Variants in ILDR2 observed in about 807,000 individuals in gnomAD.
ILDR2 encodes immunoglobulin like domain containing receptor 2.
ILDR2 carries 25 observed loss-of-function variants against 66.8 expected under a neutral mutation model. That is an observed-to-expected ratio of 0.37 (90% CI 0.27 to 0.52). The LOEUF (loss-of-function observed/expected upper bound fraction) is 0.52, where lower values mean the gene tolerates loss of function less well. Among genes scored for constraint, ILDR2 ranks in the 20% least tolerant of loss-of-function variants. ILDR2 has a pLI of 0.88. For missense variants in ILDR2, 827 were observed against 876.8 expected, an observed-to-expected ratio of 0.94 and a Z score of 0.72; for synonymous variants, 367 against 357.2, an observed-to-expected ratio of 1.03 and a Z score of -0.31.
At chr1:166,933,669 A>T in intron 6 of ILDR2, 1 of 362,010 alleles carries the variant, frequency 2.8e-6, no homozygotes, top group Non-Finnish European at 3.8e-6. Flanking sequence ...CCATTAAAAA[A>T]TAAGGGGGAA....
At chr1:166,953,378 C>T (rs1662100664) in intron 3 of ILDR2, among the ~76,000 whole-genome samples, 1 of 152,178 alleles carries the variant, frequency 6.6e-6, no homozygotes, top group African/African-American at 2.4e-5. Context: ...ACTTTTCCAT[C>T]CTTACCTTTC....
In ILDR2 at chr1:166,936,945, G is replaced by A. The variant is rs1661020134; in HGVS notation, c.557-208C>T. On this transcript the variant is annotated intron_variant, in intron 4 of 9. Transcript: ENST00000271417. The surrounding 1 kb of genome is among the most constrained non-coding windows in gnomAD (Gnocchi z 5.0). ...TCAGTCCCGGGGAATGGAGAAGAGG[G>A]AAGAAGGTTATCTATGTTACATTGG... Among the ~76,000 whole-genome samples the A allele has an allele frequency of 3.3e-5, 5 of 152,234 alleles. No homozygotes were observed. In the South Asian group the frequency reaches 1.0e-3, roughly 32 times the overall value.
rs1661016053 is a variant in ILDR2 at position 166,936,902 on chromosome 1, A to G, written c.557-165T>C. Among the ~76,000 whole-genome samples the G allele has an allele frequency of 6.6e-6, 1 of 152,180 alleles. No homozygotes were observed. Among genetic ancestry groups the G allele is most frequent in the Admixed American group, 6.5e-5 (1 of 15,288 alleles). ...CCCAACACTCAAGAGGAACTCTGAGAGTCAGGAGTGCAGACCCTCAGTCCC... is the reference window on the plus strand; with the variant it reads ...CCCAACACTCAAGAGGAACTCTGAGGGTCAGGAGTGCAGACCCTCAGTCCC... On this transcript the variant is annotated intron_variant, in intron 4 of 9. Transcript: ENST00000271417. This position sits in a 1 kb window ranked among gnomAD's most constrained non-coding sequence, Gnocchi z 5.0.
intron 1 of ILDR2, among the ~76,000 whole-genome samples, chr1:166,973,158 G>A (rs1453059139): frequency 6.6e-6 from 1 of 152,196 alleles, no homozygotes; most frequent in Non-Finnish European, 1.5e-5. Context: ...CCATCTGACA[G>A]CTGAGCTGGT....
At chr1:166,898,154 G>A (rs549174013) in intron 2 of ILDR2, among the ~76,000 whole-genome samples, 5 of 152,282 alleles carry the variant, frequency 3.3e-5, no homozygotes, top group African/African-American at 9.6e-5. Flanking sequence ...GTTGGGGCAC[G>A]AATTTGGTAT....
rs1659417099 is a variant in ILDR2 at position 166,909,495 on chromosome 1, G to T, written c.*9860C>A. On this transcript the variant is annotated 3_prime_UTR_variant, in exon 10 of 10. Coordinates refer to ENST00000271417, the MANE Select transcript of ILDR2 (RefSeq NM_199351.3). ...AGTCTGAGCTATCTTCCTGTCATTT[G>T]CAACCAAAAATTTTTTTACTAATAC... 6.6e-6 allele frequency: 1 copy of T among 151,376 alleles called. No individual in the cohort carries two copies. The highest frequency in any genetic ancestry group is 2.4e-5 in the African/African-American group (1 of 41,130). The allele number at this position is 151,376 out of a possible 1,614,324, so 9.4% of individuals were successfully genotyped here. A position where few individuals can be genotyped will look rare whatever the true frequency, so the allele number is the denominator to read the frequency against.
intron 1 of ILDR2, among the ~76,000 whole-genome samples, chr1:166,966,646 T>C (rs1479462167): frequency 6.6e-6 from 1 of 152,166 alleles, no homozygotes; most frequent in African/African-American, 2.4e-5. Context: ...GCTAGAAACA[T>C]TTTCTTTCTG....
intron 6 of ILDR2, among the ~76,000 whole-genome samples, chr1:166,932,677 G>A (rs890693903): frequency 7.9e-5 from 12 of 152,146 alleles, no homozygotes; most frequent in African/African-American, 2.2e-4. Context: ...AGGAACTAGA[G>A]TGCCTCTTAC....
At chr1:166,948,634 G>T (rs1181347387) in intron 3 of ILDR2, among the ~76,000 whole-genome samples, 1 of 152,156 alleles carries the variant, frequency 6.6e-6, no homozygotes, top group Admixed American at 6.5e-5. Flanking sequence ...GCTGATTAGG[G>T]TCACCACTGG....
intron 1 of ILDR2, among the ~76,000 whole-genome samples, chr1:166,961,161 G>C (rs906879639): frequency 6.6e-6 from 1 of 152,186 alleles, no homozygotes; most frequent in African/African-American, 2.4e-5. Flanking sequence ...CTGTTACATG[G>C]GTAAATTGTG....
At position 166,913,465 on chromosome 1, in the gene ILDR2, GC is replaced by G. The variant is rs1250713646; in HGVS notation, c.*5889del. 2.6e-5 allele frequency: 4 copies of G among 151,736 alleles called. No homozygotes were observed. The highest frequency in any genetic ancestry group is 9.7e-5 in the African/African-American group (4 of 41,276). The allele number at this position is 151,736 out of a possible 1,614,324, so 9.4% of individuals were successfully genotyped here. On this transcript the variant is annotated 3_prime_UTR_variant, in exon 10 of 10. Coordinates refer to ENST00000271417, the MANE Select transcript of ILDR2 (RefSeq NM_199351.3). ...GTCTAATACTTTTGTTAATAAAATGGCTTTTCCTTAAAGCCAAGGTAAAAGA... is the reference window on the plus strand; with the variant it reads ...GTCTAATACTTTTGTTAATAAAATGGTTTTCCTTAAAGCCAAGGTAAAAGA...
intron 3 of ILDR2, among the ~76,000 whole-genome samples, chr1:166,942,665 C>T (rs74567231): frequency 0.031 from 4,786 of 152,252 alleles, 119 homozygotes; most frequent in Non-Finnish European, 0.05. Flanking sequence ...AGCTGCATTT[C>T]CCCACAGGCT....
rs747450156 is a variant in ILDR2 at position 166,910,526 on chromosome 1, G to A, written c.*8829C>T. ...GCACACCTCCATCCAATACTGGAAGGTTAGCAATAGAGTCACTCTCTTGGA... is the reference window on the plus strand; with the variant it reads ...GCACACCTCCATCCAATACTGGAAGATTAGCAATAGAGTCACTCTCTTGGA... On this transcript the variant is annotated 3_prime_UTR_variant, in exon 10 of 10. Transcript: ENST00000271417. 49 of 152,134 alleles carry A rather than the reference G, an allele frequency of 3.2e-4. No individual in the cohort carries two copies. Among genetic ancestry groups the A allele is most frequent in the Non-Finnish European group, 6.6e-4 (45 of 68,022 alleles). The allele number at this position is 152,134 out of a possible 1,614,324, so 9.4% of individuals were successfully genotyped here.
At chr1:166,931,083 A>G (rs1202951089) in intron 6 of ILDR2, among the ~76,000 whole-genome samples, 2 of 152,196 alleles carry the variant, frequency 1.3e-5, no homozygotes, top group Non-Finnish European at 2.9e-5. Flanking sequence ...CCTCTAATTT[A>G]TTAGCCTTGC....
At chr1:166,974,876 A>G (rs1177321783) in intron 1 of ILDR2, among the ~76,000 whole-genome samples, 2 of 152,224 alleles carry the variant, frequency 1.3e-5, no homozygotes, top group African/African-American at 4.8e-5. Flanking sequence ...TCACAGCATT[A>G]CAAACTCAGG....
rs767561228 is a variant in ILDR2, at chr1:166,935,297, T to G, written c.880+4A>C. 1.2e-6 allele frequency: 2 copies of G among 1,613,988 alleles called. No homozygotes were observed. The highest frequency in any genetic ancestry group is 1.7e-6 in the Non-Finnish European group (2 of 1,179,966). On this transcript the variant is annotated splice_donor_region_variant and intron_variant, in intron 6 of 9. Coordinates refer to ENST00000271417, the MANE Select transcript of ILDR2 (RefSeq NM_199351.3). ...TGGGCAGGGCAGTCTGGAACTACAT[T>G]TACCACTGTGGCTTCCTCCAGTGGA...
intron 1 of ILDR2, among the ~76,000 whole-genome samples, chr1:166,970,894 G>A (rs1028507819): frequency 2.0e-5 from 3 of 152,182 alleles, no homozygotes; most frequent in African/African-American, 7.2e-5. Flanking sequence ...TAGAACAGAG[G>A]AGGAAGAGAA....
downstream of ILDR2, among the ~76,000 whole-genome samples, chr1:166,903,301 A>C (rs1302377010): frequency 2.6e-5 from 4 of 152,266 alleles, no homozygotes; most frequent in African/African-American, 9.6e-5. Context: ...CACTTAGTCC[A>C]GCCAGGCAGG....
chr1:166,920,634 A>G (rs1571099979), intron 9 of ILDR2, 73 bp downstream of exon 9: 2 of 1,322,340 alleles, frequency 1.5e-6, no homozygotes, highest in East Asian at 6.3e-5. Context: ...GCCCCCAGAC[A>G]GCGACACTGC....
Sources: allele counts gnomAD v4.1 joint callset (sites outside exome capture counted in the v4.1 genomes callset), GRCh38; gene constraint gnomAD v4.1.1; non-coding constraint Gnocchi (gnomAD v3.1); transcripts MANE v1.5; gene names NCBI Gene and HGNC (gene_info 2026-07-23, HGNC 2026-07-21).